DAPP1: variants seen among roughly 807,000 people sequenced by gnomAD.
The protein encoded by DAPP1 is dual adapter for phosphotyrosine and 3-phosphotyrosine and 3-phosphoinositide.
A neutral mutation model predicts 41.5 loss-of-function variants in DAPP1; 20 were observed. The observed-to-expected ratio is 0.48, with a 90% CI of 0.34 to 0.70. DAPP1 has a LOEUF of 0.70. DAPP1 is among the 30% of genes least tolerant of loss of function. The pLI is 0.01. For missense variants in DAPP1, 233 were observed against 333.4 expected (o/e 0.70, Z 2.35); for synonymous variants, 113 against 116.2 (o/e 0.97, Z 0.18).
chr4:99,825,591 A>G (rs1466966107), intron 1 of DAPP1, among the ~76,000 whole-genome samples: 2 of 152,198 alleles, frequency 1.3e-5, no homozygotes, highest in Non-Finnish European at 2.9e-5. Flanking sequence ...TCATGTAAAC[A>G]TGGGCATTTA....
intron 2 of DAPP1, among the ~76,000 whole-genome samples, chr4:99,838,786 A>G (rs1446593364): frequency 1.3e-5 from 2 of 152,254 alleles, no homozygotes; most frequent in Non-Finnish European, 2.9e-5. Context: ...GGGGAATTAC[A>G]GCCTCACAGA....
intron 3 of DAPP1, among the ~76,000 whole-genome samples, chr4:99,847,887 C>T (rs1723720828): frequency 6.6e-6 from 1 of 152,128 alleles, no homozygotes; most frequent in Non-Finnish European, 1.5e-5. Flanking sequence ...CATCTCGGCT[C>T]ACTGCAACCT....
chr4:99,866,911 A>G (rs922764815), intron 8 of DAPP1, among the ~76,000 whole-genome samples: 2 of 151,486 alleles, frequency 1.3e-5, no homozygotes, highest in Non-Finnish European at 2.9e-5. Context: ...CTGGGATTAT[A>G]GGAGCTTGCC....
At chr4:99,848,493 T>C (rs1298179904) in intron 3 of DAPP1, among the ~76,000 whole-genome samples, 2 of 151,958 alleles carry the variant, frequency 1.3e-5, no homozygotes, top group African/African-American at 4.8e-5. Context: ...CCTCCCAAAG[T>C]GCTGGGATTA....
chr4:99,825,299 C>T (rs1430479257), intron 1 of DAPP1, among the ~76,000 whole-genome samples: 4 of 152,144 alleles, frequency 2.6e-5, no homozygotes, highest in Non-Finnish European at 5.9e-5. Flanking sequence ...TCTGAGTCTC[C>T]ATGTCTGTCT....
chr4:99,860,269 A>G (rs577832872), intron 4 of DAPP1, among the ~76,000 whole-genome samples: 115 of 152,334 alleles, frequency 7.5e-4, no homozygotes, highest in African/African-American at 2.1e-3. Context: ...CTTATAGTAC[A>G]TTGTTTGGGT....
At chr4:99,838,737 A>C (rs930840171) in intron 2 of DAPP1, among the ~76,000 whole-genome samples, 8 of 152,218 alleles carry the variant, frequency 5.3e-5, no homozygotes, top group African/African-American at 1.9e-4. Context: ...GCCCCAGGAT[A>C]GGGGATCCCT....
At position 99,835,733 on chromosome 4, in the gene DAPP1, C is replaced by G; in HGVS notation, c.212C>G (p.Ser71Cys). The part of the protein sequence containing the change: ...RDSNETTGLY[S>C]LSVRAKDSVK... ...AGCAATGAGACCACCGGGCTGTACT[C>G]TCTCTCTGTGAGGTAAGGTGCTTCA... is the stretch of plus-strand genomic sequence containing the variant. Residue 71 changes from serine (S) to cysteine (C), a missense_variant, in exon 2 of 9, where the codon TCT (serine) becomes TGT (cysteine). Transcript: ENST00000512369. The G allele has an allele frequency of 1.2e-6, 2 of 1,613,884 alleles. No homozygotes were observed. Among genetic ancestry groups the G allele is most frequent in the Non-Finnish European group, 1.7e-6 (2 of 1,179,816 alleles).
chr4:99,842,614 A>C (rs1352072452), intron 3 of DAPP1, among the ~76,000 whole-genome samples: 1 of 152,256 alleles, frequency 6.6e-6, no homozygotes, highest in East Asian at 1.9e-4. Flanking sequence ...GCCTTGGGAA[A>C]CAAGATAATG....
At chr4:99,821,046 C>T (rs920533209) in intron 1 of DAPP1, among the ~76,000 whole-genome samples, 3 of 152,134 alleles carry the variant, frequency 2.0e-5, no homozygotes, top group African/African-American at 7.2e-5. Context: ...CAGCTCTGGT[C>T]TTTGAAAGGC....
chr4:99,844,527 C>G (rs914536019), intron 3 of DAPP1: 2 of 152,146 alleles, frequency 1.3e-5, no homozygotes, highest in Admixed American at 1.3e-4. Context: ...CGGCATTTAT[C>G]TTTATGCTTA....
intron 3 of DAPP1, among the ~76,000 whole-genome samples, chr4:99,842,983 T>C (rs529035856): frequency 3.3e-5 from 5 of 152,286 alleles, no homozygotes; most frequent in African/African-American, 1.2e-4. Flanking sequence ...TTATAGCTTA[T>C]GTTTGATTAA....
At chr4:99,862,970 T>C (rs370703487) in intron 5 of DAPP1, 40 bp from the exon 6 acceptor site, 6 of 1,459,688 alleles carry the variant, frequency 4.1e-6, no homozygotes, top group Non-Finnish European at 5.6e-6. Flanking sequence ...TTCAAAACTT[T>C]GTGTGTCTGT....
chr4:99,866,641 C>G, intron 8 of DAPP1: 1 of 762,144 alleles, frequency 1.3e-6, no homozygotes, highest in Non-Finnish European at 2.4e-6. Flanking sequence ...AAAACTTCAC[C>G]AATCTTCTAC....
rs147633730 is a variant in DAPP1 at position 99,844,532 on chromosome 4, T to C, written c.358+4110T>C. ...AAAATGTAGACGGCATTTATCTTTA[T>C]GCTTAAATGTCTAAATATGATTAGA... On this transcript the variant is annotated intron_variant, in intron 3 of 8. Coordinates refer to ENST00000512369, the MANE Select transcript of DAPP1 (RefSeq NM_014395.3). 469 of 152,366 alleles carry C rather than the reference T, an allele frequency of 3.1e-3. 1 individual carries two copies. Among genetic ancestry groups the C allele is most frequent in the African/African-American group, 0.011 (456 of 41,580 alleles). The allele number at this position is 152,366 out of a possible 1,614,324, so 9.4% of individuals were successfully genotyped here. A position where few individuals can be genotyped will look rare whatever the true frequency, so the allele number is the denominator to read the frequency against.
chr4:99,834,073 C>G (rs56220732), intron 1 of DAPP1, among the ~76,000 whole-genome samples: 55 of 152,256 alleles, frequency 3.6e-4, no homozygotes, highest in Non-Finnish European at 6.6e-4. Context: ...GGCAAAGCAA[C>G]CCCCGGGGCC....
intron 3 of DAPP1, among the ~76,000 whole-genome samples, chr4:99,851,665 C>A (rs886885318): frequency 2.6e-5 from 4 of 151,412 alleles, no homozygotes; most frequent in Non-Finnish European, 5.9e-5. Context: ...CTCAGCCTCC[C>A]GAGTAGCTGA....
intron 2 of DAPP1, among the ~76,000 whole-genome samples, chr4:99,838,464 C>G (rs370409823): frequency 1.7e-4 from 26 of 152,280 alleles, no homozygotes; most frequent in African/African-American, 6.0e-4. Context: ...TGGTCCCCAA[C>G]CTTTTTGGCA....
In DAPP1 at chr4:99,859,565, C is replaced by T. The variant is rs941481282; in HGVS notation, c.490-2013C>T. On this transcript the variant is annotated intron_variant, in intron 4 of 8. Coordinates refer to ENST00000512369, the MANE Select transcript of DAPP1 (RefSeq NM_014395.3). ...CCACAAAGTTCATTCTAGTGTTTTC[C>T]CTTCTCCCACAGTGAGAAAATATGG... is the stretch of plus-strand genomic sequence containing the variant. 3.9e-5 allele frequency among the ~76,000 whole-genome samples: 6 copies of T among 152,180 alleles called. No individual in the cohort carries two copies. In the South Asian group the frequency reaches 6.2e-4, roughly 16 times the overall value.
Sources: gnomAD v4.1 joint callset for allele counts (sites outside exome capture counted in the v4.1 genomes callset) on GRCh38, gnomAD v4.1.1 for gene constraint, MANE v1.5 for transcripts, NCBI Gene and HGNC (gene_info 2026-07-23, HGNC 2026-07-21) for gene names.